Variants in CDH13 observed in about 807,000 individuals in gnomAD.
The protein encoded by CDH13 is cadherin 13, also known as cadherin-13.
In CDH13, 24 loss-of-function variants were observed where a neutral mutation model predicts 63.8. That is an observed-to-expected ratio of 0.38 (90% CI 0.27 to 0.53). The LOEUF (loss-of-function observed/expected upper bound fraction) is 0.53, where lower values mean the gene tolerates loss of function less well. CDH13 is among the 20% of genes least tolerant of loss of function. The pLI, the probability that CDH13 is intolerant of heterozygous loss-of-function variation, is 0.85. For missense variants in CDH13, 1,049 were observed against 903.1 expected (o/e 1.16, Z -2.07); for synonymous variants, 503 against 355.3 (o/e 1.42, Z -4.67).
At chr16:82,804,584 A>C (rs897804994) in intron 1 of CDH13, among the ~76,000 whole-genome samples, 1 of 152,158 alleles carries the variant, frequency 6.6e-6, no homozygotes, top group Non-Finnish European at 1.5e-5. Context: ...CATTTTCCCC[A>C]TATGAAAAAT....
intron 1 of CDH13, among the ~76,000 whole-genome samples, chr16:82,755,265 G>A (rs1042212197): frequency 6.6e-6 from 1 of 152,114 alleles, no homozygotes; most frequent in African/African-American, 2.4e-5. Context: ...TATGCATTCT[G>A]TCCCAAATGA....
At chr16:83,191,504 T>TACAC (rs1214690644) in intron 4 of CDH13, among the ~76,000 whole-genome samples, 20 of 93,810 alleles carry the variant, frequency 2.1e-4, no homozygotes, top group Admixed American at 5.8e-4. Flanking sequence ...TATATATATA[T>TACAC]ACACACACAC....
chr16:83,617,773 A>G (rs1376532960), intron 8 of CDH13, among the ~76,000 whole-genome samples: 1 of 151,830 alleles, frequency 6.6e-6, no homozygotes, highest in Admixed American at 6.6e-5. Flanking sequence ...TATCTATTCT[A>G]TTCTAATATG....
intron 8 of CDH13, among the ~76,000 whole-genome samples, chr16:83,629,975 C>T (rs184813151): frequency 6.6e-6 from 1 of 152,170 alleles, no homozygotes; most frequent in Non-Finnish European, 1.5e-5. Context: ...TTTTAGCTGC[C>T]GTATTTCATA....
At chr16:83,601,742 C>A (rs375694647) in intron 7 of CDH13, among the ~76,000 whole-genome samples, 5 of 152,286 alleles carry the variant, frequency 3.3e-5, no homozygotes, top group African/African-American at 1.2e-4. Flanking sequence ...AAGGTAACCT[C>A]ATTTTCAGAT....
In CDH13 at chr16:83,264,522, A is replaced by G. The variant is rs4782763; in HGVS notation, c.636+47025A>G. ...TACACATGTATGTGTGTGTATATGT[A>G]TATATGTATATGTGTGTGTATATAT... On this transcript the variant is annotated intron_variant, in intron 5 of 13. Transcript: ENST00000567109. Among the ~76,000 whole-genome samples the G allele has an allele frequency of 1.6e-3, 239 of 146,828 alleles. 1 individual carries two copies. Among genetic ancestry groups the G allele is most frequent in the African/African-American group, 5.8e-3 (232 of 39,822 alleles).
At chr16:82,911,507 C>G (rs897248839) in intron 2 of CDH13, among the ~76,000 whole-genome samples, 1 of 152,176 alleles carries the variant, frequency 6.6e-6, no homozygotes, top group Non-Finnish European at 1.5e-5. Context: ...GCTGTACTGT[C>G]CTGGTTAAAT....
chr16:83,533,449 G>A (rs927990763), intron 7 of CDH13, among the ~76,000 whole-genome samples: 10 of 152,070 alleles, frequency 6.6e-5, no homozygotes, highest in East Asian at 3.9e-4. Context: ...GCCTGAAGCC[G>A]ACAGACAGGA....
chr16:82,992,975 C>T (rs950538697), intron 2 of CDH13, among the ~76,000 whole-genome samples: 3 of 152,204 alleles, frequency 2.0e-5, no homozygotes, highest in African/African-American at 7.2e-5. Flanking sequence ...CCTCAGGATA[C>T]TCTAAGTCTC....
chr16:82,666,706 A>G (rs1912628578), intron 1 of CDH13, among the ~76,000 whole-genome samples: 1 of 152,214 alleles, frequency 6.6e-6, no homozygotes, highest in Non-Finnish European at 1.5e-5. Flanking sequence ...TGCATATCAC[A>G]ATGTAAAGGT....
chr16:83,546,641 C>G (rs1437597706), intron 7 of CDH13, among the ~76,000 whole-genome samples: 2 of 152,144 alleles, frequency 1.3e-5, no homozygotes, highest in Non-Finnish European at 2.9e-5. Flanking sequence ...AAATTCACCT[C>G]CTATTCTGGG....
intron 8 of CDH13, among the ~76,000 whole-genome samples, chr16:83,659,017 G>T (rs1913179011): frequency 7.5e-6 from 1 of 133,660 alleles, no homozygotes; most frequent in African/African-American, 2.9e-5. Flanking sequence ...CTCACCACCA[G>T]GTCCCATATC....
chr16:82,858,295 T>G, intron 1 of CDH13, 67 bp from the exon 2 acceptor site: 3 of 1,034,748 alleles, frequency 2.9e-6, no homozygotes, highest in Non-Finnish European at 4.4e-6. Flanking sequence ...AGTTGCGGAT[T>G]TGGCGAAAGT....
At chr16:83,778,931 C>T (rs1313823686) in intron 11 of CDH13, among the ~76,000 whole-genome samples, 1 of 152,174 alleles carries the variant, frequency 6.6e-6, no homozygotes, top group Non-Finnish European at 1.5e-5. Context: ...CTCCGTCCTC[C>T]CCCTGCCACC....
At chr16:83,511,107 C>CACAT (rs2074549679) in intron 7 of CDH13, among the ~76,000 whole-genome samples, 31 of 106,408 alleles carry the variant, frequency 2.9e-4, no homozygotes, top group Non-Finnish European at 5.8e-5. Flanking sequence ...CACACATGCA[C>CACAT]GCATGCACAC....
chr16:83,165,083 G>GAAAA (rs397774378), intron 4 of CDH13, among the ~76,000 whole-genome samples: 1 of 127,434 alleles, frequency 7.8e-6, no homozygotes, highest in Non-Finnish European at 1.7e-5. Context: ...AGAAGCAGGA[G>GAAAA]AAAAAAAAAA....
chr16:83,379,685 C>T (rs973922629), intron 6 of CDH13, among the ~76,000 whole-genome samples: 1 of 152,058 alleles, frequency 6.6e-6, no homozygotes, highest in Non-Finnish European at 1.5e-5. Context: ...AACCAGCTCA[C>T]ATCTGTGCAC....
chr16:83,770,313 G>T (rs2150997276), intron 11 of CDH13, among the ~76,000 whole-genome samples: 1 of 152,264 alleles, frequency 6.6e-6, no homozygotes, highest in Non-Finnish European at 1.5e-5. Flanking sequence ...TGTGGCTCTG[G>T]CTCTTATGGA....
intron 10 of CDH13, among the ~76,000 whole-genome samples, chr16:83,741,444 C>T (rs912264534): frequency 1.3e-5 from 2 of 151,224 alleles, no homozygotes; most frequent in East Asian, 1.9e-4. Context: ...TTATTTTCTA[C>T]GTTTCTCATA....
Sources: gnomAD v4.1 joint callset for allele counts (sites outside exome capture counted in the v4.1 genomes callset) on GRCh38, gnomAD v4.1.1 for gene constraint, MANE v1.5 for transcripts, NCBI Gene and HGNC (gene_info 2026-07-23, HGNC 2026-07-21) for gene names.